Variants in ERI3 observed in about 807,000 individuals in gnomAD.
ERI3 encodes the protein ERI1 exoribonuclease family member 3.
ERI3 carries 18 observed loss-of-function variants against 44.4 expected under a neutral mutation model. The ratio of observed to expected loss-of-function variants is 0.41; its 90% CI spans 0.28 to 0.60. The LOEUF is 0.60. ERI3 is among the 20% of genes least tolerant of loss of function. The pLI is 0.36. For missense variants in ERI3, 294 were observed against 435.5 expected, an observed-to-expected ratio of 0.68 and a Z score of 2.89; for synonymous variants, 183 against 164.8, an observed-to-expected ratio of 1.11 and a Z score of -0.84.
chr1:44,320,211 T>C (rs1646170915), intron 3 of ERI3, among the ~76,000 whole-genome samples: 1 of 152,202 alleles, frequency 6.6e-6, no homozygotes, highest in Non-Finnish European at 1.5e-5. Flanking sequence ...GTTTCTTCAT[T>C]AGTTCTTATT....
intron 4 of ERI3, among the ~76,000 whole-genome samples, chr1:44,313,879 T>A (rs1403214213): frequency 6.6e-6 from 1 of 152,130 alleles, no homozygotes; most frequent in Non-Finnish European, 1.5e-5. Context: ...GGCCTAATGT[T>A]CAGACTATGA....
intron 6 of ERI3, among the ~76,000 whole-genome samples, chr1:44,297,625 C>T (rs577284641): frequency 2.6e-5 from 4 of 152,262 alleles, no homozygotes; most frequent in East Asian, 3.9e-4. Flanking sequence ...TGAAGAGACA[C>T]TTATGGAGCT....
chr1:44,328,854 G>C (rs1419160490), intron 3 of ERI3, among the ~76,000 whole-genome samples: 2 of 152,124 alleles, frequency 1.3e-5, no homozygotes, highest in Non-Finnish European at 2.9e-5. Flanking sequence ...CCCGAGTCAA[G>C]CCCTCTAAGT....
intron 7 of ERI3, among the ~76,000 whole-genome samples, chr1:44,258,109 C>G (rs912813672): frequency 6.6e-6 from 1 of 152,168 alleles, no homozygotes; most frequent in African/African-American, 2.4e-5. Context: ...TTCTGTGTTT[C>G]AAGCCCAAAG....
At chr1:44,350,384 C>A (rs1479889260) in intron 2 of ERI3, among the ~76,000 whole-genome samples, 1 of 152,106 alleles carries the variant, frequency 6.6e-6, no homozygotes, top group African/African-American at 2.4e-5. Context: ...GCCTCAGCCT[C>A]CCAAGTAGCT....
At chr1:44,281,601 A>AAAAAATAT (rs1460400186) in intron 7 of ERI3, among the ~76,000 whole-genome samples, 33 of 128,028 alleles carry the variant, frequency 2.6e-4, no homozygotes, top group East Asian at 8.3e-4. Context: ...AAAAAAAAAA[A>AAAAAATAT]ATATATATAT....
chr1:44,254,721 C>T (rs556222230), intron 7 of ERI3, among the ~76,000 whole-genome samples: 11 of 152,208 alleles, frequency 7.2e-5, no homozygotes, highest in Non-Finnish European at 1.6e-4. Flanking sequence ...AGCCACTAGG[C>T]AGAGCTCTTT....
At chr1:44,292,405 G>T (rs577372418) in intron 6 of ERI3, among the ~76,000 whole-genome samples, 1 of 152,118 alleles carries the variant, frequency 6.6e-6, no homozygotes, top group Admixed American at 6.5e-5. Context: ...TACCTCAACC[G>T]ACCACTTTAT....
intron 5 of ERI3, among the ~76,000 whole-genome samples, chr1:44,308,738 A>G (rs1047943642): frequency 1.3e-5 from 2 of 152,216 alleles, no homozygotes; most frequent in African/African-American, 4.8e-5. Context: ...CTGGCCCAGC[A>G]GACAGGCTGT....
At chr1:44,337,495 G>A (rs923135924) in intron 3 of ERI3, among the ~76,000 whole-genome samples, 4 of 152,240 alleles carry the variant, frequency 2.6e-5, no homozygotes, top group Admixed American at 6.5e-5. Flanking sequence ...GAAGACTACA[G>A]TATAGGCAGG....
At chr1:44,294,059 G>A (rs1645561880) in intron 6 of ERI3, among the ~76,000 whole-genome samples, 1 of 152,260 alleles carries the variant, frequency 6.6e-6, no homozygotes, top group South Asian at 2.1e-4. Context: ...GAGCAGGAGT[G>A]TCTGATCTGG....
At chr1:44,261,512 G>C (rs973534188) in intron 7 of ERI3, among the ~76,000 whole-genome samples, 2 of 152,230 alleles carry the variant, frequency 1.3e-5, no homozygotes, top group Non-Finnish European at 2.9e-5. Flanking sequence ...AAGAGCTGGA[G>C]CAAGTCCCCA....
chr1:44,221,105 G>A lies in ERI3; in HGVS notation c.*453C>T, dbSNP rs967563300. On this transcript the variant is annotated 3_prime_UTR_variant, in exon 9 of 9. Transcript: ENST00000372257. This position sits in a 1 kb window ranked among gnomAD's most constrained non-coding sequence, Gnocchi z 5.9. ...CACACACCCAGTGCCTCGTTTCCCCGACTTTATTCAGTGGCACGTTCACAG... is the reference window on the plus strand; with the variant it reads ...CACACACCCAGTGCCTCGTTTCCCCAACTTTATTCAGTGGCACGTTCACAG... 5 of 265,892 alleles carry A rather than the reference G, an allele frequency of 1.9e-5. No individual in the cohort carries two copies. Among genetic ancestry groups the A allele is most frequent in the Non-Finnish European group, 3.6e-5 (5 of 137,080 alleles). 16.5% of individuals were successfully genotyped at this position (265,892 alleles called of 1,614,324 possible). A position where few individuals can be genotyped will look rare whatever the true frequency, so the allele number is the denominator to read the frequency against.
intron 7 of ERI3, among the ~76,000 whole-genome samples, chr1:44,268,912 T>C (rs1645039229): frequency 6.6e-6 from 1 of 152,134 alleles, no homozygotes; most frequent in African/African-American, 2.4e-5. Flanking sequence ...GCCCAAAGCC[T>C]AAAAGCATTT....
chr1:44,319,564 G>C (rs1646158230), intron 4 of ERI3, 64 bp downstream of exon 4: 2 of 1,121,402 alleles, frequency 1.8e-6, no homozygotes, highest in Non-Finnish European at 1.3e-6. Flanking sequence ...GGCCTATATA[G>C]AGCACCAAGG....
chr1:44,250,239 C>A (rs912512809), intron 7 of ERI3, among the ~76,000 whole-genome samples: 1 of 152,222 alleles, frequency 6.6e-6, no homozygotes, highest in African/African-American at 2.4e-5. Context: ...CTTAAAGCGA[C>A]GGGCGGGCGG....
At chr1:44,295,556 G>C (rs1450626556) in intron 6 of ERI3, among the ~76,000 whole-genome samples, 1 of 152,138 alleles carries the variant, frequency 6.6e-6, no homozygotes, top group Non-Finnish European at 1.5e-5. Context: ...GATATGCTGG[G>C]GTCAGCACCT....
chr1:44,338,543 CAA>C (rs1646581171), intron 3 of ERI3, among the ~76,000 whole-genome samples: 1 of 152,220 alleles, frequency 6.6e-6, no homozygotes, highest in African/African-American at 2.4e-5. Flanking sequence ...TCCAAAAGAG[CAA>C]AGTGGACTGC....
chr1:44,224,549 T>C (rs1317124033), intron 8 of ERI3, among the ~76,000 whole-genome samples: 1 of 152,250 alleles, frequency 6.6e-6, no homozygotes, highest in African/African-American at 2.4e-5. Context: ...CTTGCTGTTA[T>C]TGTGAGGACC....
Sources: gnomAD v4.1 joint callset for allele counts (sites outside exome capture counted in the v4.1 genomes callset) on GRCh38, gnomAD v4.1.1 for gene constraint, Gnocchi (gnomAD v3.1) non-coding constraint, MANE v1.5 for transcripts, NCBI Gene and HGNC (gene_info 2026-07-23, HGNC 2026-07-21) for gene names.